Variants in PCNT observed in about 807,000 individuals in gnomAD.
PCNT encodes the protein kendrin.
A neutral mutation model predicts 380.4 loss-of-function variants in PCNT; 319 were observed. The observed-to-expected ratio is 0.84, with a 90% CI of 0.77 to 0.92. The LOEUF (loss-of-function observed/expected upper bound fraction) is 0.92, where lower values mean the gene tolerates loss of function less well. Ranked by LOEUF, PCNT falls within the 40% of genes least tolerant of loss-of-function variation. PCNT has a pLI of 0.00. For missense variants in PCNT, 4,400 were observed against 4,255.3 expected, an observed-to-expected ratio of 1.03 and a Z score of -0.95; for synonymous variants, 1,845 against 1,735.2, an observed-to-expected ratio of 1.06 and a Z score of -1.57.
intron 13 of PCNT, among the ~76,000 whole-genome samples, chr21:46,358,076 G>A (rs2084542571): frequency 6.6e-6 from 1 of 152,134 alleles, no homozygotes; most frequent in Non-Finnish European, 1.5e-5. Context: ...CGACAGGGCA[G>A]CTCAGGGTCC....
intron 29 of PCNT, among the ~76,000 whole-genome samples, chr21:46,413,661 C>A (rs914365120): frequency 6.6e-6 from 1 of 152,202 alleles, no homozygotes; most frequent in African/African-American, 2.4e-5. Flanking sequence ...AGGACCACAT[C>A]GCCCCCGTGG....
At chr21:46,429,679 T>G (rs2087669351) in intron 35 of PCNT, among the ~76,000 whole-genome samples, 1 of 152,148 alleles carries the variant, frequency 6.6e-6, no homozygotes, top group Admixed American at 6.5e-5. Flanking sequence ...AATTTTCCAG[T>G]AAAGCCACCT....
Position 46,324,196 on chromosome 21 carries a change from A to G in PCNT, c.-33A>G, listed in dbSNP as rs755311284. On this transcript the variant is annotated 5_prime_UTR_variant, in exon 1 of 47. Coordinates refer to ENST00000359568, the MANE Select transcript of PCNT (RefSeq NM_006031.6). ...AAGGCTGCTCTGTGTCAGCCCCGTC[A>G]CCGCCGGGCGGCCCGCGCGGAGTCT... The G allele has an allele frequency of 2.8e-5, 45 of 1,593,056 alleles. No individual in the cohort carries two copies. The highest frequency in any genetic ancestry group is 2.3e-5 in the East Asian group (1 of 44,340).
intron 3 of PCNT, among the ~76,000 whole-genome samples, chr21:46,336,882 C>T (rs1202597423): frequency 7.8e-6 from 1 of 127,646 alleles, no homozygotes; most frequent in Non-Finnish European, 1.8e-5. Context: ...TCATTCTGCC[C>T]TCCCCCCCAG....
chr21:46,433,008 T>G (rs2087833275), intron 38 of PCNT, among the ~76,000 whole-genome samples: 1 of 152,178 alleles, frequency 6.6e-6, no homozygotes, highest in Non-Finnish European at 1.5e-5. Context: ...TTTATTTACT[T>G]ATTTATTTTT....
chr21:46,353,416 T>C lies in PCNT; in HGVS notation c.1679+90T>C, dbSNP rs1363077430. 9.4e-6 allele frequency: 10 copies of C among 1,065,040 alleles called. No individual in the cohort carries two copies. In the South Asian group the frequency reaches 1.1e-4, roughly 12 times the overall value. The allele number at this position is 1,065,040 out of a possible 1,614,324, so 66.0% of individuals were successfully genotyped here. Reference sequence around the variant, plus strand: ...GGTAGTTTTGTTGGTGATTTCATGCTAGTAGGCACCAATGGCCTTTTATAC... The same window carrying C: ...GGTAGTTTTGTTGGTGATTTCATGCCAGTAGGCACCAATGGCCTTTTATAC... On this transcript the variant is annotated intron_variant, in intron 10 of 46. Transcript: ENST00000359568.
At chr21:46,391,038 C>A in intron 20 of PCNT, 126 bp from the exon 21 acceptor site, 3 of 1,134,130 alleles carry the variant, frequency 2.6e-6, no homozygotes, top group East Asian at 2.6e-5. Context: ...ACACCTGGGT[C>A]CTGGAAGCTG....
chr21:46,432,269 A>C (rs1422231829), intron 38 of PCNT, 54 bp downstream of exon 38: 4 of 1,524,940 alleles, frequency 2.6e-6, no homozygotes. Flanking sequence ...AAGCAATTGG[A>C]GTTAGGATGG....
rs139227909 is a variant in PCNT at position 46,430,152 on chromosome 21, C to T, written c.7833C>T (p.Ser2611=). The T allele has an allele frequency of 7.6e-4, 1,223 of 1,614,184 alleles. 2 individuals are homozygous for T. The highest frequency in any genetic ancestry group is 9.5e-4 in the Non-Finnish European group (1,125 of 1,180,014). The change falls in exon 36 of 47, where the codon TCC becomes TCT. Residue 2611 remains serine (S), a synonymous_variant. Coordinates refer to ENST00000359568, the MANE Select transcript of PCNT (RefSeq NM_006031.6). ...AGACTGTAGTGCGAGATTTGAAGTC[C>T]GACCTCTGTGAGAGCAGGCAGAAGA... ...AEQTVVRDLK[S]DLCESRQKSE... is the part of the protein sequence containing the mutation.
chr21:46,402,264 TTAA>T, intron 26 of PCNT, 64 bp from the exon 27 acceptor site: 1 of 1,063,098 alleles, frequency 9.4e-7, no homozygotes, highest in South Asian at 1.6e-5. Flanking sequence ...TAATAATGTC[TTAA>T]TTATTAATAT....
At chr21:46,399,519 C>CT in intron 24 of PCNT, 71 bp from the exon 25 acceptor site, 1 of 1,223,574 alleles carries the variant, frequency 8.2e-7, no homozygotes, top group Non-Finnish European at 1.2e-6. Flanking sequence ...GTTTTGGGTA[C>CT]TTTTTTGTTT....
At chr21:46,353,051 C>A in intron 9 of PCNT, 53 bp from the exon 10 acceptor site, 1 of 1,467,374 alleles carries the variant, frequency 6.8e-7, no homozygotes, top group Non-Finnish European at 9.5e-7. Flanking sequence ...TCTCGCCTGG[C>A]TTGTTGTGGG....
chr21:46,327,058 T>A (rs946527209), intron 2 of PCNT, among the ~76,000 whole-genome samples: 2 of 151,638 alleles, frequency 1.3e-5, no homozygotes, highest in African/African-American at 4.8e-5. Context: ...TTATTCTTTT[T>A]ATTTTATTTT....
chr21:46,342,395 C>T (rs968340942), intron 3 of PCNT, among the ~76,000 whole-genome samples: 8 of 152,214 alleles, frequency 5.3e-5, no homozygotes, highest in Non-Finnish European at 1.2e-4. Context: ...GCGTGAGCCA[C>T]TGTGCCTGGT....
rs374337288 is a variant in PCNT, at chr21:46,346,976, G to A, written c.954G>A (p.Val318=). The change falls in exon 5 of 47, where the codon GTG becomes GTA. Residue 318 remains valine (V), a synonymous_variant. Transcript: ENST00000359568. ...ACGCACGGGAGAAGGAGGAGGTGGT[G>A]CTCAGGTGTGGACAGGAAGCAGGTA... ...EQHAREKEEV[V]LRCGQEAAEL... The A allele has an allele frequency of 1.9e-6, 3 of 1,595,968 alleles. No individual in the cohort carries two copies. Among genetic ancestry groups the A allele is most frequent in the Non-Finnish European group, 2.6e-6 (3 of 1,173,626 alleles).
At chr21:46,343,425 T>C (rs772402720) in intron 3 of PCNT, among the ~76,000 whole-genome samples, 1 of 147,428 alleles carries the variant, frequency 6.8e-6, no homozygotes, top group African/African-American at 2.5e-5. Context: ...GTTTATGGGG[T>C]ATATCACATT....
At position 46,411,333 on chromosome 21, in the gene PCNT, TCCCTCATGGGGC is replaced by T; in HGVS notation, c.5262_5273del (p.Leu1755_Pro1758del). ...CATTGAGAAGCTGCAGCACGAGCTGTCCCTCATGGGGCCTGTGGTGCACGAAGTCAGCGACAG... is the reference window on the plus strand; with the variant it reads ...CATTGAGAAGCTGCAGCACGAGCTGTCTGTGGTGCACGAAGTCAGCGACAG... On this transcript the variant is annotated inframe_deletion, in exon 28 of 47. Coordinates refer to ENST00000359568, the MANE Select transcript of PCNT (RefSeq NM_006031.6). 6 of 1,614,202 alleles carry T rather than the reference TCCCTCATGGGGC, an allele frequency of 3.7e-6. No homozygotes were observed. Among genetic ancestry groups the T allele is most frequent in the Non-Finnish European group, 5.1e-6 (6 of 1,180,044 alleles).
Position 46,354,086 on chromosome 21 carries a change from G to A in PCNT, c.1761+18G>A. 1 of 1,607,494 alleles carries A rather than the reference G, an allele frequency of 6.2e-7. No individual in the cohort carries two copies. Among genetic ancestry groups the A allele is most frequent in the Non-Finnish European group, 8.5e-7 (1 of 1,174,056 alleles). On this transcript the variant is annotated intron_variant, in intron 11 of 46. Coordinates refer to ENST00000359568, the MANE Select transcript of PCNT (RefSeq NM_006031.6). The stretch of plus-strand genomic sequence containing the variant: ...GACATAAGGTAATTGGCCGCGCGCT[G>A]AGAAGTGGGGGAGTCCTGTGCTCTT...
At chr21:46,324,769 CTAGG>C (rs2083309974) in intron 1 of PCNT, 2 of 611,566 alleles carry the variant, frequency 3.3e-6, no homozygotes, top group Non-Finnish European at 4.1e-6. Context: ...GCTGCTTGGT[CTAGG>C]GCCAGTTTCC....
Sources: allele counts gnomAD v4.1 joint callset (sites outside exome capture counted in the v4.1 genomes callset), GRCh38; gene constraint gnomAD v4.1.1; transcripts MANE v1.5; gene names NCBI Gene and HGNC (gene_info 2026-07-23, HGNC 2026-07-21).